Variants in TCAIM observed in about 807,000 individuals in gnomAD.
The protein encoded by TCAIM is T cell activation inhibitor, mitochondrial, also known as T-cell activation inhibitor, mitochondrial.
Under a neutral mutation model 58.6 loss-of-function variants are expected in TCAIM, and 36 were observed. The ratio of observed to expected loss-of-function variants is 0.61; its 90% CI spans 0.47 to 0.81. TCAIM has a LOEUF of 0.81. Ranked by LOEUF, TCAIM falls within the 30% of genes least tolerant of loss-of-function variation. TCAIM has a pLI of 0.00. For missense variants in TCAIM, 466 were observed against 579.6 expected (o/e 0.80, Z 2.01); for synonymous variants, 172 against 193.6 (o/e 0.89, Z 0.93).
intron 5 of TCAIM, among the ~76,000 whole-genome samples, chr3:44,371,640 CTCT>C (rs1213628706): frequency 6.6e-6 from 1 of 152,168 alleles, no homozygotes. Context: ...GGTTTCATAT[CTCT>C]TATCTCCCTA....
At chr3:44,349,444 G>A (rs975351526) in intron 1 of TCAIM, among the ~76,000 whole-genome samples, 4 of 152,158 alleles carry the variant, frequency 2.6e-5, no homozygotes, top group African/African-American at 9.7e-5. Flanking sequence ...TGAGAACACA[G>A]GCTAAGGGAG....
At chr3:44,340,501 C>T (rs1023656570) in intron 1 of TCAIM, 2 of 152,112 alleles carry the variant, frequency 1.3e-5, no homozygotes, top group Admixed American at 6.5e-5. Context: ...GTACATAAAC[C>T]ATACAGGAAA....
At chr3:44,343,200 T>G (rs1700891014) in intron 1 of TCAIM, among the ~76,000 whole-genome samples, 1 of 152,010 alleles carries the variant, frequency 6.6e-6, no homozygotes, top group Non-Finnish European at 1.5e-5. Flanking sequence ...CTATGTTATT[T>G]AAGAGATGAG....
chr3:44,397,180 T>C (rs557149923), intron 8 of TCAIM, among the ~76,000 whole-genome samples: 1 of 152,326 alleles, frequency 6.6e-6, no homozygotes, highest in Non-Finnish European at 1.5e-5. Context: ...TCTTGTGTGT[T>C]ATTTGGTAAG....
chr3:44,400,116 T>C (rs1460319612), intron 8 of TCAIM, among the ~76,000 whole-genome samples: 1 of 152,200 alleles, frequency 6.6e-6, no homozygotes, highest in Non-Finnish European at 1.5e-5. Context: ...ATTTGGAGCA[T>C]ATTTTTTTTT....
intron 10 of TCAIM, among the ~76,000 whole-genome samples, chr3:44,406,812 G>A (rs919725713): frequency 1.3e-5 from 2 of 152,162 alleles, no homozygotes; most frequent in African/African-American, 2.4e-5. Context: ...TCAAAACACT[G>A]TATCCCTAAG....
intron 1 of TCAIM, 83 bp from the exon 2 acceptor site, chr3:44,354,656 T>G: frequency 2.2e-6 from 2 of 895,630 alleles, no homozygotes; most frequent in Non-Finnish European, 3.4e-6. Context: ...GTATTTCATA[T>G]TTTGGGGTGA....
chr3:44,398,533 G>A (rs934278026), intron 8 of TCAIM, among the ~76,000 whole-genome samples: 2 of 151,876 alleles, frequency 1.3e-5, no homozygotes, highest in African/African-American at 2.4e-5. Flanking sequence ...ACACCAGGAC[G>A]GCTAAAATGA....
chr3:44,401,584 G>C (rs1702022325), intron 10 of TCAIM, among the ~76,000 whole-genome samples: 1 of 152,086 alleles, frequency 6.6e-6, no homozygotes, highest in South Asian at 2.1e-4. Context: ...TATCAGCAAG[G>C]AATTTTCCAG....
chr3:44,399,693 A>G (rs1220261430), intron 8 of TCAIM, among the ~76,000 whole-genome samples: 1 of 152,142 alleles, frequency 6.6e-6, no homozygotes, highest in Non-Finnish European at 1.5e-5. Flanking sequence ...TTCATGTGCC[A>G]TTTCTAAATC....
In TCAIM at chr3:44,354,829, A is replaced by G. The variant is rs1331405006; in HGVS notation, c.29+18A>G. On this transcript the variant is annotated intron_variant, in intron 2 of 10. Coordinates refer to ENST00000342649, the MANE Select transcript of TCAIM (RefSeq NM_173826.4). The stretch of plus-strand genomic sequence containing the variant: ...ATGAGGAGGTAAGCATCATGGTCCA[A>G]TCTGTAATTAGTATTGTGGCGGGGG... The G allele has an allele frequency of 4.3e-6, 7 of 1,609,200 alleles. No individual in the cohort carries two copies. Among genetic ancestry groups the G allele is most frequent in the South Asian group, 3.3e-5 (3 of 89,966 alleles).
In TCAIM at chr3:44,399,071, T is replaced by G. The variant is rs186042400; in HGVS notation, c.886-1284T>G. ...CGGGATCCCTGTGATGGAACTCCTG[T>G]GTGTTTTGACTGTGGCAGTGTCACA... On this transcript the variant is annotated intron_variant, in intron 8 of 10. Transcript: ENST00000342649. Among the ~76,000 whole-genome samples the G allele has an allele frequency of 1.2e-4, 18 of 152,310 alleles. No individual in the cohort carries two copies. In the East Asian group the frequency reaches 3.5e-3, roughly 29 times the overall value.
chr3:44,355,968 G>C (rs7429291), intron 2 of TCAIM, among the ~76,000 whole-genome samples: 98,750 of 152,112 alleles, frequency 0.65, 32,920 homozygotes, highest in East Asian at 0.97. Context: ...CATATTTAAT[G>C]CTGGCTGATT....
intron 1 of TCAIM, among the ~76,000 whole-genome samples, chr3:44,343,130 CTG>C (rs1414468964): frequency 1.3e-5 from 2 of 150,586 alleles, no homozygotes; most frequent in African/African-American, 4.9e-5. Flanking sequence ...GAGCGAGACT[CTG>C]TCTCAAAAAA....
intron 3 of TCAIM, chr3:44,358,150 A>G: frequency 6.6e-7 from 1 of 1,521,164 alleles, no homozygotes; most frequent in Non-Finnish European, 8.7e-7. Context: ...AGTACAGTTG[A>G]GGGTTTGAAA....
At chr3:44,362,705 G>T (rs980375149) in intron 4 of TCAIM, 3 of 310,480 alleles carry the variant, frequency 9.7e-6, no homozygotes, top group African/African-American at 6.4e-5. Context: ...GTATACTGAA[G>T]AATGCTGTAA....
chr3:44,378,796 C>CAAA (rs777858437), intron 5 of TCAIM, among the ~76,000 whole-genome samples: 4 of 121,694 alleles, frequency 3.3e-5, no homozygotes, highest in African/African-American at 1.2e-4. Flanking sequence ...GACTCTGTCT[C>CAAA]AAAAAAAAAA....
At position 44,372,064 on chromosome 3, in the gene TCAIM, A is replaced by AGGAAGGAAGGAG. The variant is rs1240598733; in HGVS notation, c.572+4367_572+4368insGGGAAGGAAGGA. Among the ~76,000 whole-genome samples the AGGAAGGAAGGAG allele has an allele frequency of 9.7e-3, 1,422 of 146,076 alleles. 34 individuals carry two copies. The highest frequency in any genetic ancestry group is 0.023 in the African/African-American group (884 of 38,468). ...AAGGAAGGAAGGAAGGAAGGAAGGAAGGAAGGAAGGAAGATACAGTATTAG... is the reference window on the plus strand; with the variant it reads ...AAGGAAGGAAGGAAGGAAGGAAGGAAGGAAGGAAGGAGGGAAGGAAGGAAGATACAGTATTAG... On this transcript the variant is annotated intron_variant, in intron 5 of 10. Transcript: ENST00000342649.
chr3:44,365,175 T>C (rs1701354434), intron 4 of TCAIM, among the ~76,000 whole-genome samples: 1 of 152,194 alleles, frequency 6.6e-6, no homozygotes, highest in South Asian at 2.1e-4. Flanking sequence ...CTGACTAGAA[T>C]AATTCCCTTG....
Sources: allele counts gnomAD v4.1 joint callset (sites outside exome capture counted in the v4.1 genomes callset), GRCh38; gene constraint gnomAD v4.1.1; transcripts MANE v1.5; gene names NCBI Gene and HGNC (gene_info 2026-07-23, HGNC 2026-07-21).